SMAD1: variants seen among roughly 807,000 people sequenced by gnomAD.
SMAD1 encodes the protein MAD, mothers against decapentaplegic homolog 1.
A neutral mutation model predicts 41.6 loss-of-function variants in SMAD1; 6 were observed. That is an observed-to-expected ratio of 0.14 (90% CI 0.08 to 0.28). SMAD1 has a LOEUF of 0.28. SMAD1 is among the 10% of genes least tolerant of loss of function. The pLI, the probability that SMAD1 is intolerant of heterozygous loss-of-function variation, is 1.00. For synonymous variants in SMAD1, 206 were observed against 203.2 expected (o/e 1.01, Z -0.12); for missense variants, 379 against 582.6 (o/e 0.65, Z 3.60).
At chr4:145,550,455 A>G (rs890218460) in intron 5 of SMAD1, among the ~76,000 whole-genome samples, 2 of 152,130 alleles carry the variant, frequency 1.3e-5, no homozygotes, top group Non-Finnish European at 2.9e-5. Context: ...GGAGGTTGCA[A>G]TGAGCTGAGA....
chr4:145,521,445 T>G (rs1730735945), intron 2 of SMAD1, among the ~76,000 whole-genome samples: 1 of 152,206 alleles, frequency 6.6e-6, no homozygotes, highest in Non-Finnish European at 1.5e-5. Flanking sequence ...AGTTTTGATC[T>G]TTAAGGCATT....
intron 3 of SMAD1, among the ~76,000 whole-genome samples, chr4:145,542,053 G>A (rs1731977096): frequency 6.6e-6 from 1 of 152,330 alleles, no homozygotes; most frequent in South Asian, 2.1e-4. Context: ...AAATGAGTAG[G>A]GAGAGTGTGG....
At chr4:145,548,971 C>A (rs1490715849) in intron 5 of SMAD1, among the ~76,000 whole-genome samples, 3 of 152,136 alleles carry the variant, frequency 2.0e-5, no homozygotes, top group Non-Finnish European at 4.4e-5. Context: ...CATAACATCA[C>A]CTACGCAGGA....
intron 6 of SMAD1, among the ~76,000 whole-genome samples, chr4:145,555,347 G>T (rs1401521049): frequency 1.3e-5 from 2 of 152,146 alleles, no homozygotes; most frequent in African/African-American, 2.4e-5. Flanking sequence ...GTTTTAATTG[G>T]TATGGAGGAA....
At chr4:145,513,956 A>G (rs1389100491) in intron 1 of SMAD1, among the ~76,000 whole-genome samples, 1 of 152,226 alleles carries the variant, frequency 6.6e-6, no homozygotes, top group Non-Finnish European at 1.5e-5. Flanking sequence ...TAAATGCTAT[A>G]TATTAGTCTG....
At chr4:145,501,133 G>A (rs975031682) in intron 1 of SMAD1, among the ~76,000 whole-genome samples, 5 of 152,178 alleles carry the variant, frequency 3.3e-5, no homozygotes, top group Admixed American at 1.3e-4. Flanking sequence ...TCTGGGTTTT[G>A]TCTGCCTTTT....
chr4:145,519,822 G>C (rs1730642403), intron 2 of SMAD1, among the ~76,000 whole-genome samples: 1 of 152,018 alleles, frequency 6.6e-6, no homozygotes, highest in Admixed American at 6.5e-5. Flanking sequence ...TGCAGCCCCT[G>C]ATAACCACCA....
rs117888499 is a variant in SMAD1, at chr4:145,538,023, G to A, written c.401-1781G>A. 3.8e-4 allele frequency among the ~76,000 whole-genome samples: 58 copies of A among 152,282 alleles called. 1 individual carries two copies. The East Asian group carries it at 0.01, about 26-fold the overall frequency. On this transcript the variant is annotated intron_variant, in intron 2 of 6. Coordinates refer to ENST00000302085, the MANE Select transcript of SMAD1 (RefSeq NM_005900.3). The stretch of plus-strand genomic sequence containing the variant: ...AGAGGACATGAAGGATTGCTGTCTG[G>A]TGCTGCATTTGTGGGGAGTGGTTTA...
Position 145,524,143 on chromosome 4 carries a change from C to G in SMAD1, c.400+9130C>G, listed in dbSNP as rs186189392. On this transcript the variant is annotated intron_variant, in intron 2 of 6. Transcript: ENST00000302085. ...CAGCCTAGTGGACATGGAGATAAGACAGTGAACGCTTTCCAGGATTTTATC... is the reference window on the plus strand; with the variant it reads ...CAGCCTAGTGGACATGGAGATAAGAGAGTGAACGCTTTCCAGGATTTTATC... Among the ~76,000 whole-genome samples the G allele has an allele frequency of 2.9e-3, 435 of 152,238 alleles. 1 individual carries two copies. Among genetic ancestry groups the G allele is most frequent in the African/African-American group, 9.9e-3 (413 of 41,534 alleles).
intron 1 of SMAD1, among the ~76,000 whole-genome samples, chr4:145,508,792 A>G (rs1314972203): frequency 6.6e-6 from 1 of 152,180 alleles, no homozygotes; most frequent in Non-Finnish European, 1.5e-5. Context: ...GAAATCCAAG[A>G]TCAAGGTACC....
chr4:145,548,909 A>G (rs1300152621), intron 5 of SMAD1, among the ~76,000 whole-genome samples: 1 of 152,162 alleles, frequency 6.6e-6, no homozygotes, highest in Non-Finnish European at 1.5e-5. Flanking sequence ...ATCATCACCA[A>G]TGAGAGACAG....
chr4:145,532,892 A>G (rs1358479542), intron 2 of SMAD1, among the ~76,000 whole-genome samples: 1 of 152,246 alleles, frequency 6.6e-6, no homozygotes, highest in African/African-American at 2.4e-5. Flanking sequence ...CACCCAAGAA[A>G]TGAGAATTGC....
Position 145,517,888 on chromosome 4 carries a change from C to T in SMAD1, c.400+2875C>T, listed in dbSNP as rs193010609. Among the ~76,000 whole-genome samples, 30 of 127,010 alleles carry T rather than the reference C, an allele frequency of 2.4e-4. 7 individuals are homozygous for T. The highest frequency in any genetic ancestry group is 1.8e-3 in the Admixed American group (24 of 13,488). The allele number at this position is 127,010 out of a possible 152,430, so 83.3% of individuals were successfully genotyped here. A position where few individuals can be genotyped will look rare whatever the true frequency, so the allele number is the denominator to read the frequency against. ...GACTCCACAAATGCCATTTCAGCCT[C>T]TCCTTTACCCAGGAATCTTGTGAGT... On this transcript the variant is annotated intron_variant, in intron 2 of 6. Coordinates refer to ENST00000302085, the MANE Select transcript of SMAD1 (RefSeq NM_005900.3).
chr4:145,502,089 GACA>G (rs1729477163), intron 1 of SMAD1, among the ~76,000 whole-genome samples: 1 of 152,124 alleles, frequency 6.6e-6, no homozygotes, highest in Non-Finnish European at 1.5e-5. Context: ...TTTTTTCTGA[GACA>G]ACTACCATAG....
chr4:145,497,442 C>T (rs1482327380), intron 1 of SMAD1: 1 of 152,224 alleles, frequency 6.6e-6, no homozygotes, highest in African/African-American at 2.4e-5. Context: ...CCCATACACA[C>T]TTCATAACCA....
At chr4:145,508,708 C>G (rs1729920127) in intron 1 of SMAD1, among the ~76,000 whole-genome samples, 1 of 152,098 alleles carries the variant, frequency 6.6e-6, no homozygotes, top group African/African-American at 2.4e-5. Context: ...TTGTAGGCCG[C>G]TATAACAAAA....
intron 1 of SMAD1, among the ~76,000 whole-genome samples, chr4:145,513,686 G>C (rs1730218331): frequency 1.3e-5 from 2 of 152,176 alleles, no homozygotes; most frequent in Admixed American, 1.3e-4. Context: ...CAAAAAAACA[G>C]AGATATTAGA....
At chr4:145,541,720 T>A (rs1040451569) in intron 3 of SMAD1, among the ~76,000 whole-genome samples, 1 of 152,212 alleles carries the variant, frequency 6.6e-6, no homozygotes, top group Non-Finnish European at 1.5e-5. Context: ...CTGAGTGGTC[T>A]CGATTACTTA....
At chr4:145,548,414 A>G (rs888772697) in intron 5 of SMAD1, among the ~76,000 whole-genome samples, 2 of 151,996 alleles carry the variant, frequency 1.3e-5, no homozygotes, top group Non-Finnish European at 2.9e-5. Flanking sequence ...TATATTTAGT[A>G]CAGTCTGAGT....
Sources: allele counts gnomAD v4.1 joint callset (sites outside exome capture counted in the v4.1 genomes callset), GRCh38; gene constraint gnomAD v4.1.1; transcripts MANE v1.5; gene names NCBI Gene and HGNC (gene_info 2026-07-23, HGNC 2026-07-21).